CBFB: variants seen among roughly 807,000 people sequenced by gnomAD.
CBFB encodes the protein CBF-beta.
A neutral mutation model predicts 30.4 loss-of-function variants in CBFB; 9 were observed. That is an observed-to-expected ratio of 0.30 (90% CI 0.18 to 0.52). CBFB has a LOEUF of 0.52. Among genes scored for constraint, CBFB ranks in the 20% least tolerant of loss-of-function variants. The pLI, the probability that CBFB is intolerant of heterozygous loss-of-function variation, is 0.97. For missense variants in CBFB, 170 were observed against 244.0 expected (o/e 0.70, Z 2.02); for synonymous variants, 94 against 84.0 (o/e 1.12, Z -0.65).
At chr16:67,074,643 A>C (rs1961336574) in intron 4 of CBFB, among the ~76,000 whole-genome samples, 1 of 152,088 alleles carries the variant, frequency 6.6e-6, no homozygotes, top group Non-Finnish European at 1.5e-5. Flanking sequence ...GGCCTCCCAA[A>C]GTGCTGGGAT....
At chr16:67,082,145 A>AG in intron 4 of CBFB, 68 bp from the exon 5 acceptor site, 1 of 1,306,306 alleles carries the variant, frequency 7.7e-7, no homozygotes, top group East Asian at 2.6e-5. Context: ...AAAAAAAAAA[A>AG]CAAAACCCAA....
chr16:67,063,173 A>G (rs1012766646), intron 3 of CBFB, among the ~76,000 whole-genome samples: 2 of 152,194 alleles, frequency 1.3e-5, no homozygotes, highest in Non-Finnish European at 2.9e-5. Flanking sequence ...TTTGATGCAC[A>G]TTGGTGGAGT....
chr16:67,046,809 A>G (rs567668427), intron 3 of CBFB, among the ~76,000 whole-genome samples: 67 of 152,218 alleles, frequency 4.4e-4, no homozygotes, highest in Non-Finnish European at 9.1e-4. Context: ...TGTTTCTTCA[A>G]TATTATTCTT....
At position 67,033,892 on chromosome 16, in the gene CBFB, G is replaced by C. The variant is rs185767113; in HGVS notation, c.166-2747G>C. On this transcript the variant is annotated intron_variant, in intron 2 of 5. Transcript: ENST00000412916. ...GCTGGAGTGCAATGGCACGATCTTG[G>C]CTCTCGGCTCACTGCAACCTCTGCC... 6.1e-4 allele frequency among the ~76,000 whole-genome samples: 89 copies of C among 146,340 alleles called. 1 individual carries two copies. The highest frequency in any genetic ancestry group is 2.2e-3 in the African/African-American group (86 of 38,916).
intron 4 of CBFB, among the ~76,000 whole-genome samples, chr16:67,081,208 A>G (rs960378087): frequency 1.6e-4 from 22 of 139,012 alleles, no homozygotes; most frequent in East Asian, 6.5e-4. Context: ...ATTCCCACCT[A>G]TGAGTGAGAA....
chr16:67,076,155 G>A (rs920708182), intron 4 of CBFB, among the ~76,000 whole-genome samples: 1 of 152,064 alleles, frequency 6.6e-6, no homozygotes, highest in African/African-American at 2.4e-5. Context: ...GCTTGGACCC[G>A]GGAGGCAGAG....
chr16:67,082,104 C>T (rs2145770914), intron 4 of CBFB, 109 bp from the exon 5 acceptor site: 1 of 818,748 alleles, frequency 1.2e-6, no homozygotes, highest in Non-Finnish European at 1.8e-6. Context: ...CAGGCGTGAG[C>T]CACTGCGCCC....
intron 5 of CBFB, among the ~76,000 whole-genome samples, chr16:67,091,337 G>A (rs1040522819): frequency 2.0e-5 from 3 of 152,206 alleles, no homozygotes; most frequent in South Asian, 2.1e-4. Flanking sequence ...GTTCATAAAT[G>A]GAAATGGGAA....
At chr16:67,056,617 T>G (rs1195177873) in intron 3 of CBFB, among the ~76,000 whole-genome samples, 1 of 152,162 alleles carries the variant, frequency 6.6e-6, no homozygotes, top group Non-Finnish European at 1.5e-5. Flanking sequence ...ACATGCTTGT[T>G]TTTGGTGGTG....
intron 3 of CBFB, among the ~76,000 whole-genome samples, chr16:67,055,885 A>G (rs187645409): frequency 5.9e-5 from 9 of 152,360 alleles, no homozygotes; most frequent in African/African-American, 2.2e-4. Flanking sequence ...AGGATGAGTC[A>G]GAACCAAGTA....
At chr16:67,036,322 T>A in intron 2 of CBFB, 2 of 232,058 alleles carry the variant, frequency 8.6e-6, no homozygotes, top group East Asian at 1.7e-4. Context: ...AGTTTTTAAA[T>A]GCAGAGATGG....
intron 2 of CBFB, among the ~76,000 whole-genome samples, chr16:67,030,816 C>T (rs1453596125): frequency 6.6e-6 from 1 of 152,086 alleles, no homozygotes; most frequent in Non-Finnish European, 1.5e-5. Flanking sequence ...GCCAAGCTGG[C>T]CTCCTGACCT....
Position 67,100,327 on chromosome 16 carries a change from A to G in CBFB, c.*1549A>G, listed in dbSNP as rs960839809. ...ATGAGGGAGGTGTTACTTTCATTGTATATAGGTCTTATTTCATAAACAGAT... is the reference window on the plus strand; with the variant it reads ...ATGAGGGAGGTGTTACTTTCATTGTGTATAGGTCTTATTTCATAAACAGAT... On this transcript the variant is annotated 3_prime_UTR_variant, in exon 6 of 6. Transcript: ENST00000412916. 3 of 222,624 alleles carry G rather than the reference A, an allele frequency of 1.3e-5. No homozygotes were observed. The highest frequency in any genetic ancestry group is 2.7e-5 in the Non-Finnish European group (3 of 111,276). 13.8% of individuals were successfully genotyped at this position (222,624 alleles called of 1,614,324 possible). A position where few individuals can be genotyped will look rare whatever the true frequency, so the allele number is the denominator to read the frequency against.
chr16:67,085,701 G>A (rs1331230504), intron 5 of CBFB, among the ~76,000 whole-genome samples: 41 of 130,704 alleles, frequency 3.1e-4, no homozygotes, highest in Admixed American at 2.7e-3. Flanking sequence ...TTTTTGAGAC[G>A]GAGTCTCGCT....
intron 2 of CBFB, among the ~76,000 whole-genome samples, chr16:67,035,025 A>G (rs1258027892): frequency 6.6e-6 from 1 of 151,364 alleles, no homozygotes; most frequent in African/African-American, 2.4e-5. Context: ...TTTTTTTTTA[A>G]CTAGTGTTGG....
intron 5 of CBFB, among the ~76,000 whole-genome samples, chr16:67,086,896 T>G (rs964794469): frequency 1.3e-5 from 2 of 152,096 alleles, no homozygotes; most frequent in Non-Finnish European, 2.9e-5. Context: ...ACAGCAGCAG[T>G]GTAGAGGAAG....
chr16:67,073,320 GCTGTCTCTATTTATGATT>G (rs1190594931), intron 4 of CBFB, among the ~76,000 whole-genome samples: 12 of 152,172 alleles, frequency 7.9e-5, no homozygotes, highest in Non-Finnish European at 1.6e-4. Context: ...ACCTGTCAAA[GCTGTCTCTATTTATGATT>G]CTGTCTCTAT....
At chr16:67,072,570 G>A (rs9936060) in intron 4 of CBFB, among the ~76,000 whole-genome samples, 6,253 of 151,784 alleles carry the variant, frequency 0.041, 429 homozygotes, top group African/African-American at 0.14. Context: ...GGGTTCAAGC[G>A]ATTCTCCTGC....
At chr16:67,051,529 CATT>C (rs1406272656) in intron 3 of CBFB, among the ~76,000 whole-genome samples, 2 of 151,522 alleles carry the variant, frequency 1.3e-5, no homozygotes, top group Admixed American at 6.6e-5. Flanking sequence ...GTTTTATACT[CATT>C]ATTTTTTCTG....
Sources: gnomAD v4.1 joint callset for allele counts (sites outside exome capture counted in the v4.1 genomes callset) on GRCh38, gnomAD v4.1.1 for gene constraint, MANE v1.5 for transcripts, NCBI Gene and HGNC (gene_info 2026-07-23, HGNC 2026-07-21) for gene names.